PRDM7: variants seen among roughly 807,000 people sequenced by gnomAD.
PRDM7 encodes histone-lysine N-methyltransferase PRDM7.
In PRDM7, 52 loss-of-function variants were observed where a neutral mutation model predicts 64.3. The observed-to-expected ratio is 0.81, with a 90% confidence interval of 0.65 to 1.02. The LOEUF (loss-of-function observed/expected upper bound fraction) is 1.02. Ranked by LOEUF, PRDM7 falls within the 50% of genes least tolerant of loss-of-function variation. The probability of loss-of-function intolerance (pLI) is 0.00; values close to 1 mark genes in which losing one functional copy is unlikely to be tolerated. For missense variants in PRDM7, 574 were observed against 597.1 expected (o/e 0.96, Z 0.40); for synonymous variants, 192 against 210.1 (o/e 0.91, Z 0.74).
intron 10 of PRDM7, among the ~76,000 whole-genome samples, chr16:90,059,942 C>A (rs2037743541): frequency 6.6e-6 from 1 of 152,252 alleles, no homozygotes; most frequent in Admixed American, 6.5e-5. Context: ...AGAGTAGGAA[C>A]TCACATGACA....
chr16:90,067,557 C>A (rs1383711096), intron 4 of PRDM7, among the ~76,000 whole-genome samples: 1 of 150,130 alleles, frequency 6.7e-6, no homozygotes, highest in African/African-American at 2.5e-5. Context: ...AAGGAAATCA[C>A]CTCGACGTAA....
intron 5 of PRDM7, among the ~76,000 whole-genome samples, chr16:90,066,143 G>A (rs2151309211): frequency 6.6e-6 from 1 of 151,504 alleles, no homozygotes; most frequent in South Asian, 2.1e-4. Flanking sequence ...CCTATATGAA[G>A]TCCTAAACCA....
intron 4 of PRDM7, among the ~76,000 whole-genome samples, chr16:90,073,929 C>T (rs1300537735): frequency 6.6e-6 from 1 of 151,814 alleles, no homozygotes; most frequent in African/African-American, 2.4e-5. Flanking sequence ...ATTATAAGCA[C>T]CCATCACCAT....
chr16:90,071,592 C>T (rs1431717621), intron 4 of PRDM7, among the ~76,000 whole-genome samples: 2 of 102,394 alleles, frequency 2.0e-5, no homozygotes, highest in African/African-American at 3.1e-5. Context: ...CAGGGAAGGG[C>T]CCAACTCATC....
At chr16:90,076,068 A>C in intron 1 of PRDM7, 73 bp from the exon 2 acceptor site, 1 of 842,888 alleles carries the variant, frequency 1.2e-6, no homozygotes, top group Non-Finnish European at 1.9e-6. Flanking sequence ...TGTCTTCTCC[A>C]TCTGGCTGGG....
At chr16:90,073,642 G>A (rs1045156478) in intron 4 of PRDM7, among the ~76,000 whole-genome samples, 12 of 151,970 alleles carry the variant, frequency 7.9e-5, no homozygotes, top group African/African-American at 2.9e-4. Context: ...CTCATGATTC[G>A]CCTGCCTCGG....
chr16:90,061,555 G>C, intron 8 of PRDM7, 36 bp from the exon 9 acceptor site: 1 of 1,552,536 alleles, frequency 6.4e-7, no homozygotes. Context: ...ACTTTTTAGA[G>C]GGTAAAAATC....
chr16:90,073,659 A>G (rs1344300796), intron 4 of PRDM7, among the ~76,000 whole-genome samples: 1 of 151,948 alleles, frequency 6.6e-6, no homozygotes. Flanking sequence ...TCGGCCTCCC[A>G]AAGTGCTGGG....
At position 90,069,378 on chromosome 16, in the gene PRDM7, A is replaced by C. The variant is rs1460905479; in HGVS notation, c.302-2468T>G. Among the ~76,000 whole-genome samples, 7 of 151,444 alleles carry C rather than the reference A, an allele frequency of 4.6e-5. 1 individual carries two copies. Among genetic ancestry groups the C allele is most frequent in the African/African-American group, 1.2e-4 (5 of 40,762 alleles). On this transcript the variant is annotated intron_variant, in intron 4 of 10. Transcript: ENST00000449207. ...AACTCAAAATAGATTAAAGACTGAAATGTAAGGTCTATAAGTACAGAACTT... is the reference window on the plus strand; with the variant it reads ...AACTCAAAATAGATTAAAGACTGAACTGTAAGGTCTATAAGTACAGAACTT...
At position 90,060,587 on chromosome 16, in the gene PRDM7, G is replaced by A. The variant is rs781483105; in HGVS notation, c.987C>T (p.Asn329=). The change falls in exon 10 of 11, where the codon AAC becomes AAT. Residue 329 remains asparagine, a synonymous_variant. Coordinates refer to ENST00000449207, the MANE Select transcript of PRDM7 (RefSeq NM_001098173.2). The part of the protein sequence containing the change: ...VNCARDDEEQ[N]LVAFQYHRQI... ...GCCTGTGGTACTGGAAGGCCACCAG[G>A]TTCTGCTCTTCATCATCCCGGGCAC... The A allele has an allele frequency of 1.2e-5, 20 of 1,614,026 alleles. No individual in the cohort carries two copies. The African/African-American group carries it at 2.1e-4, about 17-fold the overall frequency.
Position 90,061,989 on chromosome 16 carries a change from G to A in PRDM7, c.814C>T (p.His272Tyr). The change falls in exon 8 of 11, where the codon CAC becomes TAC. Residue 272 changes from histidine (H) to tyrosine (Y), a missense_variant. Physicochemically the swap from His to Tyr is moderately conservative, Grantham distance 83. Coordinates refer to ENST00000449207, the MANE Select transcript of PRDM7 (RefSeq NM_001098173.2). The stretch of plus-strand genomic sequence containing the variant: ...ATTCGGCCCTCATAGGGGCCAAAGT[G>A]CAGACCCAGTGGCAGATCAGATGCC... ...NEASDLPLGL[H>Y]FGPYEGRITE... 5 of 1,614,268 alleles carry A rather than the reference G, an allele frequency of 3.1e-6. No homozygotes were observed. The South Asian group carries it at 5.5e-5, about 18-fold the overall frequency.
At chr16:90,061,814 A>G in intron 8 of PRDM7, 107 bp downstream of exon 8, 1 of 1,527,380 alleles carries the variant, frequency 6.5e-7, no homozygotes, top group South Asian at 1.2e-5. Flanking sequence ...CACAGAGCTA[A>G]CCATGTTATC....
At chr16:90,076,531 AT>A (rs143949853) in intron 1 of PRDM7, among the ~76,000 whole-genome samples, 4,599 of 151,598 alleles carry the variant, frequency 0.03, 240 homozygotes, top group African/African-American at 0.11. Flanking sequence ...GGCTGAGGGG[AT>A]TTGAGATGTC....
At chr16:90,068,362 A>G (rs1421237870) in intron 4 of PRDM7, among the ~76,000 whole-genome samples, 4 of 151,240 alleles carry the variant, frequency 2.6e-5, no homozygotes, top group African/African-American at 9.8e-5. Flanking sequence ...TGGGCTGGGC[A>G]TGGTGGCTCA....
rs771003468 is a variant in PRDM7, at chr16:90,062,233, A to T, written c.611-41T>A. 1.9e-6 allele frequency: 3 copies of T among 1,614,108 alleles called. No individual in the cohort carries two copies. The African/African-American group carries it at 4.0e-5, about 22-fold the overall frequency. On this transcript the variant is annotated intron_variant, in intron 7 of 10. Coordinates refer to ENST00000449207, the MANE Select transcript of PRDM7 (RefSeq NM_001098173.2). ...GCAGGGATTAGGAAAGTTGTAATGC[A>T]TGTTCCTTGATATAAGAGCTTCAGA...
rs550234443 is a variant in PRDM7, at chr16:90,075,092, T to C, written c.194-69A>G. The stretch of plus-strand genomic sequence containing the variant: ...GATGAGGAACAAAGGGCAGTGGCAA[T>C]GGAAAGCACCACAAAGCCAGTGCTG... On this transcript the variant is annotated intron_variant, in intron 3 of 10. Coordinates refer to ENST00000449207, the MANE Select transcript of PRDM7 (RefSeq NM_001098173.2). The surrounding 1 kb of genome is among the most constrained non-coding windows in gnomAD (Gnocchi z 4.3). 5 of 1,545,612 alleles carry C rather than the reference T, an allele frequency of 3.2e-6. No homozygotes were observed. The African/African-American group carries it at 5.4e-5, about 17-fold the overall frequency.
At chr16:90,059,603 T>G (rs2037736500) in intron 10 of PRDM7, among the ~76,000 whole-genome samples, 1 of 152,220 alleles carries the variant, frequency 6.6e-6, no homozygotes, top group East Asian at 1.9e-4. Context: ...TCAAATGCTG[T>G]CTCCTAAGAG....
At chr16:90,073,531 C>T (rs548281522) in intron 4 of PRDM7, among the ~76,000 whole-genome samples, 12 of 151,954 alleles carry the variant, frequency 7.9e-5, no homozygotes, top group Non-Finnish European at 1.0e-4. Context: ...TCCTGAGTAG[C>T]TGGGACTACA....
intron 9 of PRDM7, 57 bp from the exon 10 acceptor site, chr16:90,060,680 A>G: frequency 1.3e-6 from 2 of 1,594,228 alleles, no homozygotes; most frequent in Non-Finnish European, 1.7e-6. Flanking sequence ...TCCAGGCAGG[A>G]TGACTACAAT....
Sources: allele counts gnomAD v4.1 joint callset (sites outside exome capture counted in the v4.1 genomes callset), GRCh38; gene constraint gnomAD v4.1.1; non-coding constraint Gnocchi (gnomAD v3.1); transcripts MANE v1.5; gene names NCBI Gene and HGNC (gene_info 2026-07-23, HGNC 2026-07-21).